Variants in JMJD1C observed in about 807,000 individuals in gnomAD.
JMJD1C encodes the protein jumonji domain containing 1C.
Under a neutral mutation model 245.3 loss-of-function variants are expected in JMJD1C, and 31 were observed. The ratio of observed to expected loss-of-function variants is 0.13; its 90% CI spans 0.09 to 0.17. JMJD1C has a LOEUF of 0.17. JMJD1C is among the 10% of genes least tolerant of loss of function. JMJD1C has a pLI of 1.00. For synonymous variants in JMJD1C, 1,057 were observed against 1,017.4 expected (o/e 1.04, Z -0.74); for missense variants, 2,691 against 3,000.2 (o/e 0.90, Z 2.41).
At chr10:63,352,938 C>T (rs1308147383) in intron 2 of JMJD1C, among the ~76,000 whole-genome samples, 1 of 152,000 alleles carries the variant, frequency 6.6e-6, no homozygotes, top group South Asian at 2.1e-4. Flanking sequence ...GAATGCTATT[C>T]GGAGTTCCAC....
At chr10:63,301,673 GGAGA>G (rs912109020) in intron 2 of JMJD1C, 89 of 414,394 alleles carry the variant, frequency 2.1e-4, no homozygotes, top group African/African-American at 1.8e-3. Flanking sequence ...CCTGACAAGG[GGAGA>G]GAGAGCATTA....
At chr10:63,179,006 A>G (rs1303669668) in intron 22 of JMJD1C, among the ~76,000 whole-genome samples, 44 of 152,178 alleles carry the variant, frequency 2.9e-4, no homozygotes, top group Non-Finnish European at 1.5e-5. Context: ...TGTACATTGT[A>G]TCTACTAAAT....
chr10:63,352,087 GA>G (rs1361898618), intron 2 of JMJD1C, among the ~76,000 whole-genome samples: 1 of 152,130 alleles, frequency 6.6e-6, no homozygotes, highest in Non-Finnish European at 1.5e-5. Flanking sequence ...ACATGACTGA[GA>G]ACCAATGAAG....
intron 1 of JMJD1C, among the ~76,000 whole-genome samples, chr10:63,419,834 TAAA>T (rs34006135): frequency 0.19 from 21,838 of 114,562 alleles, 4,340 homozygotes; most frequent in African/African-American, 0.51. Flanking sequence ...CTCCATGAAA[TAAA>T]AAAAAAAAAA....
At chr10:63,223,381 C>A (rs7914049) in intron 3 of JMJD1C, among the ~76,000 whole-genome samples, 2,936 of 152,018 alleles carry the variant, frequency 0.019, 95 homozygotes, top group African/African-American at 0.065. Flanking sequence ...GCGCATACCA[C>A]CATGCACAAC....
chr10:63,190,937 T>A lies in JMJD1C; in HGVS notation c.6248A>T (p.Asp2083Val). ...TACTGGGGCAAAGGCAATGCCAGCA[T>A]CTGTAGACCCCACACGTAGCTTTCC... ...TAGKLRVGST[D>V]AGIAFAPVYS... The change falls in exon 17 of 26, where the codon GAT (aspartate) becomes GTT (valine). Residue 2083 changes from aspartate to valine, a missense_variant. This residue lies in a region of JMJD1C where 275 missense variants were observed against 285.5 expected (regional missense o/e 0.96). Transcript: ENST00000399262. 1 of 1,614,074 alleles carries A rather than the reference T, an allele frequency of 6.2e-7. No individual in the cohort carries two copies. Among genetic ancestry groups the A allele is most frequent in the Non-Finnish European group, 8.5e-7 (1 of 1,179,934 alleles).
intron 1 of JMJD1C, among the ~76,000 whole-genome samples, chr10:63,394,013 G>A (rs1182332698): frequency 2.6e-5 from 4 of 151,908 alleles, no homozygotes; most frequent in African/African-American, 4.8e-5. Context: ...GCAAAGCCTC[G>A]TCTCCATTAA....
rs543346814 is a variant in JMJD1C at position 63,337,769 on chromosome 10, G to A, written c.333+42549C>T. On this transcript the variant is annotated intron_variant, in intron 2 of 25. Coordinates refer to ENST00000399262, the MANE Select transcript of JMJD1C (RefSeq NM_032776.3). ...GGAAGAGCAAGCTGATGAGCCAGAA[G>A]ATGTGTGATCATGCTCTCATGCCCT... Among the ~76,000 whole-genome samples the A allele has an allele frequency of 1.6e-3, 239 of 152,212 alleles. 1 individual carries two copies. Among genetic ancestry groups the A allele is most frequent in the African/African-American group, 4.9e-3 (205 of 41,518 alleles).
intron 12 of JMJD1C, 86 bp downstream of exon 12, chr10:63,198,427 A>T: frequency 2.4e-6 from 2 of 826,758 alleles, no homozygotes. Context: ...GTTAGATAAG[A>T]TTAGGGACTT....
intron 1 of JMJD1C, among the ~76,000 whole-genome samples, chr10:63,429,014 CT>C (rs1462314381): frequency 6.6e-6 from 1 of 152,094 alleles, no homozygotes; most frequent in Non-Finnish European, 1.5e-5. Context: ...GAATTTCACT[CT>C]TGTTACCCAG....
At chr10:63,268,232 CAAAA>C (rs5785564) in intron 2 of JMJD1C, among the ~76,000 whole-genome samples, 2 of 130,182 alleles carry the variant, frequency 1.5e-5, no homozygotes, top group Non-Finnish European at 1.6e-5. Flanking sequence ...TTTAGTCTAC[CAAAA>C]AAAAAAAAAA....
At chr10:63,436,119 C>T (rs1368180648) in intron 1 of JMJD1C, among the ~76,000 whole-genome samples, 1 of 152,164 alleles carries the variant, frequency 6.6e-6, no homozygotes, top group Non-Finnish European at 1.5e-5. Context: ...TATGTAATCA[C>T]AGGCCTTGAG....
chr10:63,199,484 A>G (rs964564079), intron 11 of JMJD1C, among the ~76,000 whole-genome samples: 3 of 152,116 alleles, frequency 2.0e-5, no homozygotes, highest in Non-Finnish European at 2.9e-5. Flanking sequence ...TATTCTTTCC[A>G]AAGCTTCCTT....
intron 2 of JMJD1C, among the ~76,000 whole-genome samples, chr10:63,333,783 T>G (rs1942410999): frequency 1.3e-5 from 2 of 152,322 alleles, no homozygotes; most frequent in South Asian, 4.1e-4. Context: ...ATTTGAGCAC[T>G]TAAAATTGTC....
intron 1 of JMJD1C, chr10:63,427,935 C>T (rs552774528): frequency 2.7e-5 from 19 of 710,446 alleles, no homozygotes; most frequent in South Asian, 2.7e-4. Context: ...GAAGCAGCAG[C>T]AGCAGCAGTT....
At chr10:63,488,535 G>C (rs1331677665) in intron 1 of JMJD1C, among the ~76,000 whole-genome samples, 3 of 56,986 alleles carry the variant, frequency 5.3e-5, no homozygotes, top group East Asian at 3.6e-4. Flanking sequence ...AGTTGAAAAT[G>C]AATGTTAAAA....
chr10:63,215,627 A>G lies in JMJD1C; in HGVS notation c.748T>C (p.Leu250=). ...ATGCCAATATTTTCACCTTTTAACA[A>G]AGAGTGAACAACATCATCTAGAAAG... ...MTFLDDVVHS[L]LKGENIGITS... is the part of the protein sequence containing the mutation. The change falls in exon 6 of 26, where the codon TTG becomes CTG. Residue 250 remains leucine (L), a synonymous_variant. Transcript: ENST00000399262. 1 of 1,611,068 alleles carries G rather than the reference A, an allele frequency of 6.2e-7. No individual in the cohort carries two copies. The highest frequency in any genetic ancestry group is 8.5e-7 in the Non-Finnish European group (1 of 1,177,360).
intron 3 of JMJD1C, among the ~76,000 whole-genome samples, chr10:63,252,387 G>A (rs1270962489): frequency 6.6e-6 from 1 of 152,168 alleles, no homozygotes; most frequent in Non-Finnish European, 1.5e-5. Flanking sequence ...CCTAACACAT[G>A]GATAGGTTTA....
intron 1 of JMJD1C, among the ~76,000 whole-genome samples, chr10:63,512,654 G>T (rs1954905036): frequency 6.6e-6 from 1 of 152,128 alleles, no homozygotes; most frequent in Admixed American, 6.6e-5. Context: ...GTTTGAATAT[G>T]GTGTGGCTAA....
Sources: gnomAD v4.1 joint callset for allele counts (sites outside exome capture counted in the v4.1 genomes callset) on GRCh38, gnomAD v4.1.1 for gene constraint, gnomAD v4.1.1 regional missense constraint, MANE v1.5 for transcripts, NCBI Gene and HGNC (gene_info 2026-07-23, HGNC 2026-07-21) for gene names.